The following STAG1 variants were observed in gnomAD, a reference collection of about 807,000 sequenced individuals.
The protein encoded by STAG1 is STAG1 cohesin complex component, also known as cohesin subunit SA-1.
STAG1 carries 26 observed loss-of-function variants against 170.9 expected under a neutral mutation model. That is an observed-to-expected ratio of 0.15 (90% CI 0.11 to 0.21). The LOEUF (loss-of-function observed/expected upper bound fraction) is 0.21, where lower values mean the gene tolerates loss of function less well. Ranked by LOEUF, STAG1 falls within the 10% of genes least tolerant of loss-of-function variation. STAG1 has a pLI of 1.00. For missense variants in STAG1, 964 were observed against 1,509.5 expected, an observed-to-expected ratio of 0.64 and a Z score of 5.99; for synonymous variants, 514 against 497.7, an observed-to-expected ratio of 1.03 and a Z score of -0.44.
Position 136,464,967 on chromosome 3 carries a change from G to C in STAG1, c.1227C>G (p.Ser409=). The C allele has an allele frequency of 1.2e-6, 2 of 1,608,870 alleles. No homozygotes were observed. Among genetic ancestry groups the C allele is most frequent in the Admixed American group, 1.7e-5 (1 of 59,190 alleles). Reference sequence around the variant, plus strand: ...GGTAAACATTTTCACAGTCTTCATTGGAAAGAGCTTCTTCACTTCCACTGA... The same window carrying C: ...GGTAAACATTTTCACAGTCTTCATTCGAAAGAGCTTCTTCACTTCCACTGA... ...LILHGSEEAL[S]NEDCENVYHL... Residue 409 remains serine (S), a synonymous_variant, in exon 13 of 34, where the codon TCC becomes TCG. Transcript: ENST00000383202.
intron 14 of STAG1, among the ~76,000 whole-genome samples, chr3:136,443,792 G>T (rs2088699637): frequency 6.6e-6 from 1 of 151,798 alleles, no homozygotes; most frequent in African/African-American, 2.4e-5. Context: ...TTTTCCCTTG[G>T]AATTCCATTA....
At chr3:136,388,290 A>T (rs2086919900) in intron 22 of STAG1, among the ~76,000 whole-genome samples, 1 of 152,176 alleles carries the variant, frequency 6.6e-6, no homozygotes, top group Non-Finnish European at 1.5e-5. Context: ...GTAAAAATTC[A>T]AACTCAATTT....
intron 20 of STAG1, among the ~76,000 whole-genome samples, chr3:136,418,359 CCAAAAAAAAAAAAAAA>C (rs1559789054): frequency 5.3e-5 from 1 of 18,770 alleles, no homozygotes; most frequent in African/African-American, 3.8e-4. Context: ...GACTCTGTCT[CCAAAAAAAAAAAAAAA>C]AAAAAAAAAA....
intron 4 of STAG1, among the ~76,000 whole-genome samples, chr3:136,570,568 G>A (rs1205087290): frequency 2.0e-5 from 3 of 152,090 alleles, no homozygotes; most frequent in Admixed American, 2.0e-4. Flanking sequence ...GTTAACACAC[G>A]TTACACACAC....
chr3:136,524,204 A>G (rs1934865195), intron 6 of STAG1, among the ~76,000 whole-genome samples: 1 of 152,076 alleles, frequency 6.6e-6, no homozygotes, highest in Non-Finnish European at 1.5e-5. Flanking sequence ...CATTTTCACG[A>G]TATTGATTAT....
At chr3:136,634,500 A>G (rs1213715453) in intron 1 of STAG1, among the ~76,000 whole-genome samples, 3 of 152,106 alleles carry the variant, frequency 2.0e-5, no homozygotes, top group Non-Finnish European at 4.4e-5. Flanking sequence ...AAAACCAGAG[A>G]AATTAGAATA....
At chr3:136,749,201 A>G (rs1935104207) in intron 1 of STAG1, among the ~76,000 whole-genome samples, 1 of 152,176 alleles carries the variant, frequency 6.6e-6, no homozygotes, top group South Asian at 2.1e-4. Flanking sequence ...AGTTAAGTTT[A>G]CCACAAGGGC....
At chr3:136,517,386 G>A (rs1576554069) in intron 7 of STAG1, among the ~76,000 whole-genome samples, 1 of 152,152 alleles carries the variant, frequency 6.6e-6, no homozygotes, top group Non-Finnish European at 1.5e-5. Flanking sequence ...AGAAAATTAT[G>A]TAGGTGAGAA....
intron 22 of STAG1, among the ~76,000 whole-genome samples, chr3:136,393,590 C>CTTTTTT (rs774648941): frequency 7.7e-6 from 1 of 130,132 alleles, no homozygotes. Flanking sequence ...TACGCTTCAT[C>CTTTTTT]TTTTTTTTTT....
intron 1 of STAG1, among the ~76,000 whole-genome samples, chr3:136,726,265 T>C (rs533627670): frequency 1.3e-5 from 2 of 152,286 alleles, no homozygotes; most frequent in South Asian, 2.1e-4. Flanking sequence ...CCCAGGTCTC[T>C]ATCCACTGAT....
intron 25 of STAG1, among the ~76,000 whole-genome samples, chr3:136,364,612 A>AT (rs1937005779): frequency 6.6e-6 from 1 of 152,172 alleles, no homozygotes; most frequent in South Asian, 2.1e-4. Context: ...ACATGTCTAT[A>AT]TTTTACTATC....
In STAG1 at chr3:136,443,383, A is replaced by G. The variant is rs553448048; in HGVS notation, c.1450T>C (p.Leu484=). 2.5e-4 allele frequency: 395 copies of G among 1,611,622 alleles called. No homozygotes were observed. The South Asian group carries it at 4.1e-3, about 17-fold the overall frequency. The change falls in exon 15 of 34, where the codon TTG becomes CTG. Residue 484 remains leucine (L), a synonymous_variant. Transcript: ENST00000383202. ...GAGCTCTCCCATAAACTGTCCACCAAGTAGGCTGCATGTTCATGTAACTAA... is the reference window on the plus strand; with the variant it reads ...GAGCTCTCCCATAAACTGTCCACCAGGTAGGCTGCATGTTCATGTAACTAA... ...ESELHEHAAY[L]VDSLWESSQE...
At chr3:136,621,361 AC>A (rs1456225957) in intron 3 of STAG1, among the ~76,000 whole-genome samples, 2 of 152,228 alleles carry the variant, frequency 1.3e-5, no homozygotes, top group Non-Finnish European at 2.9e-5. Flanking sequence ...TCATTCTCCT[AC>A]CTTTAAGCAA....
chr3:136,502,166 G>A (rs900446955), intron 8 of STAG1, among the ~76,000 whole-genome samples: 19 of 151,076 alleles, frequency 1.3e-4, no homozygotes, highest in Admixed American at 9.9e-4. Flanking sequence ...CAACAAGAGC[G>A]AAACTCCATC....
At chr3:136,714,858 A>C (rs1943476187) in intron 1 of STAG1, among the ~76,000 whole-genome samples, 1 of 146,230 alleles carries the variant, frequency 6.8e-6, no homozygotes, top group African/African-American at 2.5e-5. Context: ...GCAGTGAGTC[A>C]TGATTATGCC....
intron 6 of STAG1, among the ~76,000 whole-genome samples, chr3:136,523,471 T>C (rs947557485): frequency 2.6e-5 from 4 of 152,230 alleles, no homozygotes; most frequent in African/African-American, 9.6e-5. Context: ...TATTAGCCTT[T>C]TGTCAGATGA....
chr3:136,417,256 G>C (rs1254598607), intron 21 of STAG1, among the ~76,000 whole-genome samples: 2 of 152,164 alleles, frequency 1.3e-5, no homozygotes, highest in Admixed American at 1.3e-4. Context: ...GGAAATGAAT[G>C]AGATAACCCC....
Position 136,377,386 on chromosome 3 carries a change from C to CAAAAAAAAAAAAAAAAAA in STAG1, c.2370+256_2370+273dup, listed in dbSNP as rs57934830. ...TGGGCGACAGAGCGAGACTCTGTCT[C>CAAAAAAAAAAAAAAAAAA]AAAAAAAAAAAAAAAAAAAGTCTAC... On this transcript the variant is annotated intron_variant, in intron 23 of 33. Transcript: ENST00000383202. 2.8e-4 allele frequency among the ~76,000 whole-genome samples: 12 copies of CAAAAAAAAAAAAAAAAAA among 42,572 alleles called. 2 individuals are homozygous for CAAAAAAAAAAAAAAAAAA. The highest frequency in any genetic ancestry group is 1.2e-3 in the African/African-American group (10 of 8,126). 27.9% of individuals were successfully genotyped at this position (42,572 alleles called of 152,430 possible).
intron 21 of STAG1, among the ~76,000 whole-genome samples, chr3:136,403,269 AAAAAAG>A (rs1231837131): frequency 6.6e-6 from 1 of 150,620 alleles, no homozygotes; most frequent in Non-Finnish European, 1.5e-5. Flanking sequence ...GAAAAGAAAA[AAAAAAG>A]AAAAAGGAAA....
Sources: allele counts gnomAD v4.1 joint callset (sites outside exome capture counted in the v4.1 genomes callset), GRCh38; gene constraint gnomAD v4.1.1; transcripts MANE v1.5; gene names NCBI Gene and HGNC (gene_info 2026-07-23, HGNC 2026-07-21).